FBXO11: variants seen among roughly 807,000 people sequenced by gnomAD.
FBXO11 encodes F-box only protein 11.
Under a neutral mutation model 117.0 loss-of-function variants are expected in FBXO11, and 13 were observed. That is an observed-to-expected ratio of 0.11 (90% CI 0.07 to 0.18). The LOEUF is 0.18. Ranked by LOEUF, FBXO11 falls within the 10% of genes least tolerant of loss-of-function variation. The pLI is 1.00. For missense variants in FBXO11, 767 were observed against 1,164.4 expected (o/e 0.66, Z 4.97); for synonymous variants, 490 against 380.5 (o/e 1.29, Z -3.35).
At chr2:47,830,909 C>G (rs985306856) in intron 11 of FBXO11, among the ~76,000 whole-genome samples, 1 of 152,102 alleles carries the variant, frequency 6.6e-6, no homozygotes, top group Non-Finnish European at 1.5e-5. Context: ...AAGTGATCCT[C>G]CTGTCTCAGC....
intron 1 of FBXO11, among the ~76,000 whole-genome samples, chr2:47,845,475 G>T (rs1673333038): frequency 6.6e-6 from 1 of 152,160 alleles, no homozygotes; most frequent in Non-Finnish European, 1.5e-5. Flanking sequence ...ATCAAGTACA[G>T]TGCCAGAAGT....
intron 1 of FBXO11, among the ~76,000 whole-genome samples, chr2:47,896,752 A>T (rs977575996): frequency 1.3e-5 from 2 of 152,258 alleles, no homozygotes; most frequent in African/African-American, 2.4e-5. Context: ...GACATCAGTC[A>T]TTCATATGTA....
chr2:47,881,251 CA>C (rs1676410222), intron 1 of FBXO11, among the ~76,000 whole-genome samples: 1 of 151,790 alleles, frequency 6.6e-6, no homozygotes, highest in South Asian at 2.1e-4. Flanking sequence ...GACTCTGTCT[CA>C]AAAAAAGAAA....
chr2:47,813,979 C>T (rs1446699493), intron 16 of FBXO11, 112 bp from the exon 17 acceptor site: 3 of 802,520 alleles, frequency 3.7e-6, no homozygotes, highest in Non-Finnish European at 6.2e-6. Flanking sequence ...TAAGAATTAA[C>T]TATACAATGG....
chr2:47,878,505 T>C (rs1360619764), intron 1 of FBXO11, among the ~76,000 whole-genome samples: 1 of 151,836 alleles, frequency 6.6e-6, no homozygotes, highest in Non-Finnish European at 1.5e-5. Context: ...TACAGGTGCC[T>C]GCCACTATGC....
intron 1 of FBXO11, among the ~76,000 whole-genome samples, chr2:47,851,394 C>T (rs891095149): frequency 6.6e-6 from 1 of 151,888 alleles, no homozygotes; most frequent in Non-Finnish European, 1.5e-5. Flanking sequence ...CCACGCGTGG[C>T]TAATTTTTGT....
chr2:47,807,358 C>T lies in FBXO11; in HGVS notation c.*760G>A. The T allele has an allele frequency of 4.7e-6, 1 of 211,080 alleles. No individual in the cohort carries two copies. Among genetic ancestry groups the T allele is most frequent in the Non-Finnish European group, 9.6e-6 (1 of 103,920 alleles). The allele number at this position is 211,080 out of a possible 1,614,324, so 13.1% of individuals were successfully genotyped here. A position where few individuals can be genotyped will look rare whatever the true frequency, so the allele number is the denominator to read the frequency against. ...ACTTTTGTTTTACAGTGCATCCCTT[C>T]CTAGGAAGTCTCATTAAAACACTCA... On this transcript the variant is annotated 3_prime_UTR_variant, in exon 23 of 23. Coordinates refer to ENST00000403359, the MANE Select transcript of FBXO11 (RefSeq NM_001190274.2).
intron 1 of FBXO11, among the ~76,000 whole-genome samples, chr2:47,870,147 T>C (rs1675517269): frequency 6.6e-6 from 1 of 152,246 alleles, no homozygotes. Flanking sequence ...CTCTCCTGAG[T>C]GTCTCTCTCT....
intron 1 of FBXO11, among the ~76,000 whole-genome samples, chr2:47,875,128 G>T (rs376280980): frequency 1.8e-4 from 27 of 152,180 alleles, no homozygotes; most frequent in African/African-American, 6.3e-4. Context: ...CCACAACGAT[G>T]ACAATGTTCC....
intron 4 of FBXO11, chr2:47,836,922 G>A: frequency 2.7e-6 from 1 of 375,338 alleles, no homozygotes; most frequent in South Asian, 1.9e-5. Flanking sequence ...TTTTTTTGTA[G>A]AAATGAGGTC....
At position 47,834,857 on chromosome 2, in the gene FBXO11, A is replaced by G. The variant is rs995072361; in HGVS notation, c.732T>C (p.His244=). Residue 244 remains histidine (H), a synonymous_variant, in exon 6 of 23, where the codon CAT becomes CAC. Coordinates refer to ENST00000403359, the MANE Select transcript of FBXO11 (RefSeq NM_001190274.2). ...AATGTTCAGCAAATCCTGGCTTTAC[A>G]TGTGCACCTTTATACTAAAATGTCA... ...ESFQQLYKGA[H]VKPGFAEHFY... 22 of 1,613,334 alleles carry G rather than the reference A, an allele frequency of 1.4e-5. No homozygotes were observed. Among genetic ancestry groups the G allele is most frequent in the Non-Finnish European group, 1.9e-5 (22 of 1,179,574 alleles).
At chr2:47,842,584 A>G (rs900753706) in intron 1 of FBXO11, among the ~76,000 whole-genome samples, 3 of 152,026 alleles carry the variant, frequency 2.0e-5, no homozygotes, top group Non-Finnish European at 2.9e-5. Flanking sequence ...TTAAGCCTAC[A>G]TTTTCTCATC....
chr2:47,842,077 G>A (rs1177905979), intron 1 of FBXO11, among the ~76,000 whole-genome samples: 11 of 150,922 alleles, frequency 7.3e-5, no homozygotes, highest in African/African-American at 1.5e-4. Context: ...GTGCAGTTGC[G>A]CGATCTCGGC....
chr2:47,880,610 T>A (rs1039851412), intron 1 of FBXO11, among the ~76,000 whole-genome samples: 3 of 152,196 alleles, frequency 2.0e-5, no homozygotes, highest in Non-Finnish European at 4.4e-5. Flanking sequence ...GTATTTCCAT[T>A]TCTCCTTGTA....
chr2:47,881,704 G>T (rs185729474), intron 1 of FBXO11, among the ~76,000 whole-genome samples: 1 of 151,752 alleles, frequency 6.6e-6, no homozygotes. Context: ...TATCATCAGG[G>T]TATACAATAT....
At chr2:47,857,966 T>C (rs1468713868) in intron 1 of FBXO11, among the ~76,000 whole-genome samples, 1 of 152,180 alleles carries the variant, frequency 6.6e-6, no homozygotes, top group African/African-American at 2.4e-5. Context: ...CACATACATA[T>C]ATTTCAAATC....
rs149857929 is a variant in FBXO11, at chr2:47,875,042, A to G, written c.232+30447T>C. On this transcript the variant is annotated intron_variant, in intron 1 of 22. Transcript: ENST00000403359. ...ACAGGATATGATCATCTCAAGAATC[A>G]AAGTCTGACTTCATTTATATGCTCA... 4.0e-3 allele frequency among the ~76,000 whole-genome samples: 602 copies of G among 152,274 alleles called. 13 individuals are homozygous for G. Among genetic ancestry groups the G allele is most frequent in the Non-Finnish European group, 1.6e-3 (107 of 68,022 alleles).
At chr2:47,814,141 A>C in intron 16 of FBXO11, 1 of 322,860 alleles carries the variant, frequency 3.1e-6, no homozygotes. Flanking sequence ...CCTCATATGT[A>C]AAATGAAGGA....
intron 1 of FBXO11, among the ~76,000 whole-genome samples, chr2:47,902,163 T>C: frequency 6.6e-6 from 1 of 152,172 alleles, no homozygotes; most frequent in Non-Finnish European, 1.5e-5. Flanking sequence ...CTTGAACTCC[T>C]GACCTCGTGG....
Sources: gnomAD v4.1 joint callset for allele counts (sites outside exome capture counted in the v4.1 genomes callset) on GRCh38, gnomAD v4.1.1 for gene constraint, MANE v1.5 for transcripts, NCBI Gene and HGNC (gene_info 2026-07-23, HGNC 2026-07-21) for gene names.